The following MICAL3 variants were observed in gnomAD, a reference collection of about 807,000 sequenced individuals.
MICAL3 encodes the protein [F-actin]-monooxygenase MICAL3.
Under a neutral mutation model 207.4 loss-of-function variants are expected in MICAL3, and 62 were observed. That is an observed-to-expected ratio of 0.30 (90% CI 0.24 to 0.37). MICAL3 has a LOEUF of 0.37. Ranked by LOEUF, MICAL3 falls within the 10% of genes least tolerant of loss-of-function variation. MICAL3 has a pLI of 1.00. For synonymous variants in MICAL3, 1,077 were observed against 1,069.3 expected, an observed-to-expected ratio of 1.01 and a Z score of -0.14; for missense variants, 2,368 against 2,635.6, an observed-to-expected ratio of 0.90 and a Z score of 2.22.
At chr22:17,977,055 C>G (rs1049611010) in intron 1 of MICAL3, among the ~76,000 whole-genome samples, 1 of 151,888 alleles carries the variant, frequency 6.6e-6, no homozygotes, top group Non-Finnish European at 1.5e-5. Flanking sequence ...CGCCCACCTC[C>G]GCCTCCCAAA....
At chr22:17,919,185 C>A (rs1932730088) in intron 1 of MICAL3, among the ~76,000 whole-genome samples, 1 of 151,538 alleles carries the variant, frequency 6.6e-6, no homozygotes. Context: ...CTGCCTCAGG[C>A]TCCTGAGTAG....
chr22:17,797,088 T>C (rs2061884382), intron 29 of MICAL3, among the ~76,000 whole-genome samples: 1 of 152,116 alleles, frequency 6.6e-6, no homozygotes, highest in African/African-American at 2.4e-5. Context: ...ACCTAGATGG[T>C]CATCTGGAAG....
chr22:17,791,117 C>T (rs765995961), intron 30 of MICAL3, 46 bp from the exon 31 acceptor site: 11 of 1,604,194 alleles, frequency 6.9e-6, no homozygotes, highest in African/African-American at 2.7e-5. Context: ...TGACTGGGGA[C>T]CACCCCTCAC....
chr22:17,872,225 C>T (rs1927794626), intron 16 of MICAL3, among the ~76,000 whole-genome samples: 1 of 152,240 alleles, frequency 6.6e-6, no homozygotes, highest in South Asian at 2.1e-4. Context: ...CCTCCACGCA[C>T]TGACAGAGAA....
chr22:17,895,313 T>C lies in MICAL3; in HGVS notation c.1420A>G (p.Ile474Val), dbSNP rs1183819959. The C allele has an allele frequency of 1.2e-6, 2 of 1,613,796 alleles. No homozygotes were observed. Among genetic ancestry groups the C allele is most frequent in the African/African-American group, 1.3e-5 (1 of 75,024 alleles). Residue 474 changes from isoleucine to valine, a missense_variant, in exon 10 of 32, where the codon ATC becomes GTC. This residue lies in a region of MICAL3 where 147 missense variants were observed against 137.7 expected (regional missense o/e 1.07). Coordinates refer to ENST00000441493, the MANE Select transcript of MICAL3 (RefSeq NM_015241.3). Reference protein sequence around the residue: ...SIDPVTRYPNINVNFLRPSQV... With the variant: ...SIDPVTRYPNVNVNFLRPSQV... ...CTTGGCCGGAGGAAGTTGACGTTGATATTGGGATACCGAGTGACAGGGTCG... is the reference window on the plus strand; with the variant it reads ...CTTGGCCGGAGGAAGTTGACGTTGACATTGGGATACCGAGTGACAGGGTCG...
At chr22:18,019,343 G>T in intron 1 of MICAL3, 1 of 156,964 alleles carries the variant, frequency 6.4e-6, no homozygotes. Context: ...ATTGGATATG[G>T]TGGGGAAAGT....
chr22:17,900,175 A>G lies in MICAL3; in HGVS notation c.848-627T>C, dbSNP rs1290603349. Among the ~76,000 whole-genome samples the G allele has an allele frequency of 1.3e-5, 2 of 152,190 alleles. No individual in the cohort carries two copies. Among genetic ancestry groups the G allele is most frequent in the African/African-American group, 4.8e-5 (2 of 41,448 alleles). On this transcript the variant is annotated intron_variant, in intron 6 of 31. Transcript: ENST00000441493. The surrounding 1 kb of genome is among the most constrained non-coding windows in gnomAD (Gnocchi z 4.0). The stretch of plus-strand genomic sequence containing the variant: ...AGAAGACTACATACTTAAAAGGCCT[A>G]AAGTCAGCTTCCCAAGCAAACCAGG...
At chr22:17,913,794 C>A (rs373755419) in intron 1 of MICAL3, among the ~76,000 whole-genome samples, 1 of 152,144 alleles carries the variant, frequency 6.6e-6, no homozygotes, top group Non-Finnish European at 1.5e-5. Flanking sequence ...TGAAGTAAGT[C>A]AGAAGTGACC....
In MICAL3 at chr22:17,827,319, G is replaced by A. The variant is rs150045965; in HGVS notation, c.3193+325C>T. ...CACACTCTAAGAAAAGTACCAGAAC[G>A]TTTTACGAAGTGAGGAAAGAGCAGC... On this transcript the variant is annotated intron_variant, in intron 22 of 31. Transcript: ENST00000441493. 1.1e-4 allele frequency among the ~76,000 whole-genome samples: 17 copies of A among 152,242 alleles called. No homozygotes were observed. The East Asian group carries it at 2.9e-3, about 26-fold the overall frequency.
intron 1 of MICAL3, among the ~76,000 whole-genome samples, chr22:18,003,354 G>C (rs750411789): frequency 3.1e-4 from 47 of 152,084 alleles, no homozygotes; most frequent in Non-Finnish European, 5.4e-4. Context: ...TACTTCTCCA[G>C]GAAGCACCCC....
intron 1 of MICAL3, among the ~76,000 whole-genome samples, chr22:18,002,078 G>C (rs1029412781): frequency 6.6e-6 from 1 of 151,836 alleles, no homozygotes; most frequent in Admixed American, 6.6e-5. Context: ...CGGGCCTGTA[G>C]TCCCAGCTAC....
chr22:18,001,823 G>C lies in MICAL3; in HGVS notation c.-75+22458C>G, dbSNP rs143172092. Among the ~76,000 whole-genome samples, 99 of 152,370 alleles carry C rather than the reference G, an allele frequency of 6.5e-4. No individual in the cohort carries two copies. The East Asian group carries it at 0.016, about 25-fold the overall frequency. Reference sequence around the variant, plus strand: ...TGGTTGGGAATCTTGGAAGGGGCGAGAAGCCACATGAAGTGGCCAATGGAG... The same window carrying C: ...TGGTTGGGAATCTTGGAAGGGGCGACAAGCCACATGAAGTGGCCAATGGAG... On this transcript the variant is annotated intron_variant, in intron 1 of 31. Transcript: ENST00000441493.
intron 1 of MICAL3, among the ~76,000 whole-genome samples, chr22:17,967,273 C>T (rs1362489125): frequency 1.3e-5 from 2 of 152,096 alleles, no homozygotes; most frequent in Non-Finnish European, 2.9e-5. Context: ...GAAAATAATG[C>T]CTAACAATAA....
At chr22:17,861,775 T>A in intron 19 of MICAL3, 1 of 985,124 alleles carries the variant, frequency 1.0e-6, no homozygotes, top group African/African-American at 1.7e-5. Context: ...ATTTCTATAT[T>A]AAAAGCACAT....
intron 22 of MICAL3, among the ~76,000 whole-genome samples, chr22:17,826,823 G>A (rs1368203859): frequency 1.3e-5 from 2 of 152,234 alleles, no homozygotes; most frequent in Non-Finnish European, 1.5e-5. Flanking sequence ...AGCCGGAAAC[G>A]GAGGTTGGTC....
At chr22:17,933,289 A>G (rs1933359742) in intron 1 of MICAL3, among the ~76,000 whole-genome samples, 2 of 152,248 alleles carry the variant, frequency 1.3e-5, no homozygotes, top group South Asian at 4.1e-4. Flanking sequence ...CAACAGTGCA[A>G]TCAAATTATA....
chr22:17,827,656 A>C lies in MICAL3; in HGVS notation c.3181T>G (p.Ser1061Ala). The change falls in exon 22 of 32, where the codon TCT becomes GCT. Residue 1061 changes from serine to alanine, a missense_variant. By Grantham distance (99) the Ser-to-Ala change is moderately conservative. Around this residue, in one of 4 missense-constraint regions of MICAL3, gnomAD observed 1,770 missense variants for 1,863.2 expected, o/e 0.95. Transcript: ENST00000441493. Reference protein sequence around the residue: ...EERMAPASESSASGAPLDEND... With the variant: ...EERMAPASESAASGAPLDEND... ...TGGGAGTGTTTACCTCCGGAAGCAG[A>C]GGACTCAGAGGCCGGCGCCATCCTC... 1 of 1,570,940 alleles carries C rather than the reference A, an allele frequency of 6.4e-7. No individual in the cohort carries two copies. The highest frequency in any genetic ancestry group is 8.6e-7 in the Non-Finnish European group (1 of 1,158,300).
Position 17,822,913 on chromosome 22 carries a change from T to C in MICAL3, c.3307+34A>G, listed in dbSNP as rs779561881. Reference sequence around the variant, plus strand: ...CATATTGCCTTCATCTTCCCTGAGCTCCCACCACAGGGGCGGGGAGGGCGG... The same window carrying C: ...CATATTGCCTTCATCTTCCCTGAGCCCCCACCACAGGGGCGGGGAGGGCGG... On this transcript the variant is annotated intron_variant, in intron 23 of 31. Coordinates refer to ENST00000441493, the MANE Select transcript of MICAL3 (RefSeq NM_015241.3). 7.0e-6 allele frequency: 10 copies of C among 1,419,230 alleles called. No individual in the cohort carries two copies. The East Asian group carries it at 2.3e-4, about 33-fold the overall frequency. The allele number at this position is 1,419,230 out of a possible 1,614,324, so 87.9% of individuals were successfully genotyped here. A position where few individuals can be genotyped will look rare whatever the true frequency, so the allele number is the denominator to read the frequency against.
chr22:17,897,610 C>A (rs1435768637), intron 7 of MICAL3, among the ~76,000 whole-genome samples: 1 of 151,994 alleles, frequency 6.6e-6, no homozygotes, highest in African/African-American at 2.4e-5. Flanking sequence ...ACTTTGTGAA[C>A]TGAAAGGGCA....
Sources: allele counts gnomAD v4.1 joint callset (sites outside exome capture counted in the v4.1 genomes callset), GRCh38; gene constraint gnomAD v4.1.1; regional missense constraint gnomAD v4.1.1; non-coding constraint Gnocchi (gnomAD v3.1); transcripts MANE v1.5; gene names NCBI Gene and HGNC (gene_info 2026-07-23, HGNC 2026-07-21).